Variants in NR2F1-AS1 observed in about 807,000 individuals in gnomAD.
NR2F1-AS1 encodes the protein NR2F1 regulatory antisense RNA 1, also known as NR2F1 antisense RNA 1.
At chr5:93,572,552 C>T (rs544190067) in intron 1 of NR2F1-AS1, among the ~76,000 whole-genome samples, 10 of 152,214 alleles carry the variant, frequency 6.6e-5, no homozygotes, top group Non-Finnish European at 1.5e-4. Flanking sequence ...CGCTGTCAGC[C>T]CGAGCTGGGC....
At chr5:93,526,323 T>A in intron 4 of NR2F1-AS1, among the ~76,000 whole-genome samples, 1 of 152,076 alleles carries the variant, frequency 6.6e-6, no homozygotes, top group Admixed American at 6.6e-5. Flanking sequence ...AATAGAACAA[T>A]AACAAGTTCT....
intron 4 of NR2F1-AS1, among the ~76,000 whole-genome samples, chr5:93,483,054 T>C (rs1750636098): frequency 6.6e-6 from 1 of 152,192 alleles, no homozygotes; most frequent in Non-Finnish European, 1.5e-5. Context: ...GCCTGCTGGC[T>C]CTGAAGAGAG....
upstream of NR2F1-AS1, chr5:93,584,071 C>T (rs1254438308): frequency 6.6e-6 from 1 of 151,798 alleles, no homozygotes; most frequent in African/African-American, 2.4e-5. Context: ...CCCGCGCGCC[C>T]TGATCGCCGG....
intron 4 of NR2F1-AS1, among the ~76,000 whole-genome samples, chr5:93,460,327 G>A (rs555148875): frequency 3.3e-4 from 51 of 152,256 alleles, no homozygotes; most frequent in Non-Finnish European, 5.3e-4. Flanking sequence ...CAGACCCCAC[G>A]CAGCACCGGG....
upstream of NR2F1-AS1, chr5:93,584,984 A>G: frequency 6.3e-6 from 6 of 955,262 alleles, no homozygotes; most frequent in Non-Finnish European, 7.5e-6. Context: ...GCCCTCGGCG[A>G]GCAGCTCGGC....
At chr5:93,548,644 T>C (rs1580323295) in intron 4 of NR2F1-AS1, among the ~76,000 whole-genome samples, 1 of 152,002 alleles carries the variant, frequency 6.6e-6, no homozygotes, top group African/African-American at 2.4e-5. Flanking sequence ...GGGTGGATCA[T>C]TTGAGATCAG....
intron 4 of NR2F1-AS1, among the ~76,000 whole-genome samples, chr5:93,429,943 T>TA (rs1471750898): frequency 6.6e-6 from 1 of 152,212 alleles, no homozygotes; most frequent in Non-Finnish European, 1.5e-5. Context: ...TATAAGTACA[T>TA]AATATATACC....
chr5:93,481,215 G>A (rs1467083054), intron 4 of NR2F1-AS1, among the ~76,000 whole-genome samples: 2 of 151,892 alleles, frequency 1.3e-5, no homozygotes, highest in African/African-American at 4.8e-5. Context: ...AGCCAGGCTG[G>A]CTATACTGAT....
rs577421812 is a variant in NR2F1-AS1, at chr5:93,522,422, A to C, written n.638+31339T>G. Among the ~76,000 whole-genome samples the C allele has an allele frequency of 2.5e-3, 385 of 152,360 alleles. 1 individual carries two copies. The highest frequency in any genetic ancestry group is 8.3e-3 in the African/African-American group (344 of 41,596). Reference sequence around the variant, plus strand: ...TTCCATACTGTTTGTTGATAAATTTAAAGAATGAGGGTATTACTAATTCAT... The same window carrying C: ...TTCCATACTGTTTGTTGATAAATTTCAAGAATGAGGGTATTACTAATTCAT... On this transcript the variant is annotated intron_variant and non_coding_transcript_variant, in intron 4 of 5. Coordinates refer to ENST00000660523, the Ensembl canonical transcript of NR2F1-AS1.
chr5:93,492,639 A>G (rs528300985), intron 4 of NR2F1-AS1, among the ~76,000 whole-genome samples: 1 of 152,278 alleles, frequency 6.6e-6, no homozygotes, highest in Non-Finnish European at 1.5e-5. Context: ...TTCTGCAACA[A>G]AATACTGGCA....
At chr5:93,509,391 G>C (rs1280276820) in intron 4 of NR2F1-AS1, among the ~76,000 whole-genome samples, 1 of 152,068 alleles carries the variant, frequency 6.6e-6, no homozygotes, top group African/African-American at 2.4e-5. Flanking sequence ...AATGTGGCTA[G>C]TACTCCAAAG....
chr5:93,480,872 A>T (rs535675303), intron 4 of NR2F1-AS1, among the ~76,000 whole-genome samples: 6 of 152,218 alleles, frequency 3.9e-5, no homozygotes, highest in African/African-American at 1.2e-4. Flanking sequence ...TTTAAAATAT[A>T]TTGAAAAGGA....
chr5:93,466,125 CAA>C lies in NR2F1-AS1; in HGVS notation n.639-70585_639-70584del, dbSNP rs988004926. Reference sequence around the variant, plus strand: ...TAGAGGAAGCTAGGAGGGATGGAAGCAAAAGAGAGGTCAACCCTCAGATGGTT... The same window carrying C: ...TAGAGGAAGCTAGGAGGGATGGAAGCAAGAGAGGTCAACCCTCAGATGGTT... On this transcript the variant is annotated intron_variant and non_coding_transcript_variant, in intron 4 of 5. Coordinates refer to ENST00000660523, the Ensembl canonical transcript of NR2F1-AS1. Among the ~76,000 whole-genome samples, 40 of 151,992 alleles carry C rather than the reference CAA, an allele frequency of 2.6e-4. No individual in the cohort carries two copies. The South Asian group carries it at 2.7e-3, about 10-fold the overall frequency.
chr5:93,438,631 AT>A (rs1304124955), intron 4 of NR2F1-AS1: 1 of 152,254 alleles, frequency 6.6e-6, no homozygotes, highest in Non-Finnish European at 1.5e-5. Context: ...GAATGATCTG[AT>A]TTGTCATTTC....
intron 4 of NR2F1-AS1, among the ~76,000 whole-genome samples, chr5:93,493,937 G>T (rs889291910): frequency 3.9e-5 from 6 of 152,082 alleles, no homozygotes; most frequent in African/African-American, 1.4e-4. Flanking sequence ...TTTAGATTTG[G>T]TAATGGATTC....
At chr5:93,449,217 C>A (rs1749779175) in intron 4 of NR2F1-AS1, among the ~76,000 whole-genome samples, 1 of 151,952 alleles carries the variant, frequency 6.6e-6, no homozygotes, top group African/African-American at 2.4e-5. Flanking sequence ...AAAATTTACC[C>A]AGGGCTCTTA....
chr5:93,444,248 A>G (rs1749640926), intron 4 of NR2F1-AS1, among the ~76,000 whole-genome samples: 1 of 152,208 alleles, frequency 6.6e-6, no homozygotes, highest in South Asian at 2.1e-4. Flanking sequence ...TAAAAGACAC[A>G]GACTGGCAAA....
At chr5:93,555,030 C>G (rs1433932286) in intron 2 of NR2F1-AS1, 2 of 152,214 alleles carry the variant, frequency 1.3e-5, no homozygotes, top group Admixed American at 1.3e-4. Flanking sequence ...TTTTAAGACA[C>G]CATATAAACA....
At chr5:93,513,521 G>C (rs947374352) in intron 4 of NR2F1-AS1, among the ~76,000 whole-genome samples, 1 of 152,080 alleles carries the variant, frequency 6.6e-6, no homozygotes, top group Admixed American at 6.6e-5. Context: ...TAACAACATG[G>C]AGGTCATTAT....
Sources: allele counts gnomAD v4.1 joint callset (sites outside exome capture counted in the v4.1 genomes callset), GRCh38; gene constraint gnomAD v4.1.1; transcripts MANE v1.5; gene names NCBI Gene and HGNC (gene_info 2026-07-23, HGNC 2026-07-21).